VAC14: variants seen among roughly 807,000 people sequenced by gnomAD.
VAC14 encodes protein VAC14 homolog.
A neutral mutation model predicts 85.3 loss-of-function variants in VAC14; 47 were observed. That is an observed-to-expected ratio of 0.55 (90% CI 0.44 to 0.70). The LOEUF (loss-of-function observed/expected upper bound fraction) is 0.70. VAC14 is among the 30% of genes least tolerant of loss of function. The pLI, the probability that VAC14 is intolerant of heterozygous loss-of-function variation, is 0.00. For missense variants in VAC14, 861 were observed against 1,004.3 expected, an observed-to-expected ratio of 0.86 and a Z score of 1.93; for synonymous variants, 447 against 430.5, an observed-to-expected ratio of 1.04 and a Z score of -0.47.
chr16:70,781,707 T>C (rs2033819812), intron 8 of VAC14, among the ~76,000 whole-genome samples, 162 bp downstream of exon 8: 1 of 152,134 alleles, frequency 6.6e-6, no homozygotes, highest in African/African-American at 2.4e-5. Flanking sequence ...GGTCCCTGGC[T>C]TTCCTAATCC....
Position 70,762,406 on chromosome 16 carries a change from C to A in VAC14, c.1371+134G>T. The A allele has an allele frequency of 1.1e-6, 1 of 937,246 alleles. No homozygotes were observed. The highest frequency in any genetic ancestry group is 1.7e-6 in the Non-Finnish European group (1 of 603,060). 58.1% of individuals were successfully genotyped at this position (937,246 alleles called of 1,614,324 possible). On this transcript the variant is annotated intron_variant, in intron 12 of 18. Coordinates refer to ENST00000261776, the MANE Select transcript of VAC14 (RefSeq NM_018052.5). This position sits in a 1 kb window ranked among gnomAD's most constrained non-coding sequence, Gnocchi z 4.1. ...AACAGGTGTGAGCCACTGCACCTGG[C>A]CCCAAAGTGAGTATTAAACACAGCT... is the stretch of plus-strand genomic sequence containing the variant.
At chr16:70,786,070 CCTTGCTGGTCTCAGGTGCGGACAGAGT>C in intron 2 of VAC14, 118 bp downstream of exon 2, 1 of 1,433,110 alleles carries the variant, frequency 7.0e-7, no homozygotes, top group African/African-American at 1.4e-5. Context: ...GCAAAGCCAG[CCTTGCTGGTCTCAGGTGCGGACAGAGT>C]GGTAATAAAA....
chr16:70,766,412 G>A (rs1400850967), intron 10 of VAC14: 3 of 449,696 alleles, frequency 6.7e-6, no homozygotes, highest in Non-Finnish European at 1.3e-5. Context: ...GCAGCATTTC[G>A]TGTATTAACA....
chr16:70,688,698 T>C (rs2053544310), intron 18 of VAC14: 1 of 985,512 alleles, frequency 1.0e-6, no homozygotes. Flanking sequence ...CCCTCTCCAG[T>C]TGCTCTGTAC....
intron 13 of VAC14, among the ~76,000 whole-genome samples, chr16:70,736,892 G>T (rs374593408): frequency 6.9e-6 from 1 of 144,768 alleles, no homozygotes; most frequent in Non-Finnish European, 1.5e-5. Context: ...GGCCACACTT[G>T]AAGGGGCAGG....
chr16:70,756,372 A>C (rs996040768), intron 12 of VAC14, among the ~76,000 whole-genome samples: 1 of 152,102 alleles, frequency 6.6e-6, no homozygotes. Context: ...CTCCTTTCAG[A>C]TCTCTGAACC....
Position 70,800,972 on chromosome 16 carries a change from T to C in VAC14, c.-72A>G. On this transcript the variant is annotated 5_prime_UTR_variant, in exon 1 of 19. Coordinates refer to ENST00000261776, the MANE Select transcript of VAC14 (RefSeq NM_018052.5). ...GGGCCGCGCCGGGGCCAGGGGAGTCTGCGGCTCCGCTCTGCCCCCGGCGCC... is the reference window on the plus strand; with the variant it reads ...GGGCCGCGCCGGGGCCAGGGGAGTCCGCGGCTCCGCTCTGCCCCCGGCGCC... 8.7e-7 allele frequency: 1 copy of C among 1,153,018 alleles called. No homozygotes were observed. The highest frequency in any genetic ancestry group is 1.2e-6 in the Non-Finnish European group (1 of 843,250). The allele number at this position is 1,153,018 out of a possible 1,614,324, so 71.4% of individuals were successfully genotyped here. A position where few individuals can be genotyped will look rare whatever the true frequency, so the allele number is the denominator to read the frequency against.
chr16:70,741,413 C>T (rs532243288), intron 13 of VAC14, among the ~76,000 whole-genome samples: 198 of 152,382 alleles, frequency 1.3e-3, no homozygotes, highest in African/African-American at 4.6e-3. Context: ...AAGCAGGGCA[C>T]ACTCTGGCTC....
At chr16:70,738,505 G>C (rs1012508099) in intron 13 of VAC14, among the ~76,000 whole-genome samples, 3 of 152,166 alleles carry the variant, frequency 2.0e-5, no homozygotes, top group Non-Finnish European at 4.4e-5. Flanking sequence ...GTCTGCCACC[G>C]GGAAAGAGCT....
intron 18 of VAC14, chr16:70,691,898 C>T (rs1401235347): frequency 2.0e-6 from 2 of 985,134 alleles, no homozygotes; most frequent in East Asian, 2.3e-4. Flanking sequence ...AGGCGAGCAC[C>T]CGAGGCCCTT....
At chr16:70,731,271 T>G in intron 14 of VAC14, 1 of 1,304,982 alleles carries the variant, frequency 7.7e-7, no homozygotes, top group Non-Finnish European at 9.7e-7. Context: ...AAAAATGAAT[T>G]CAGTTGTGCG....
intron 18 of VAC14, chr16:70,688,719 G>C (rs2053544726): frequency 1.0e-6 from 1 of 985,568 alleles, no homozygotes; most frequent in Non-Finnish European, 1.2e-6. Context: ...AGCAACACAG[G>C]TTGTGCACTG....
At chr16:70,791,984 C>T (rs1161037834) in intron 1 of VAC14, among the ~76,000 whole-genome samples, 1 of 152,160 alleles carries the variant, frequency 6.6e-6, no homozygotes, top group Non-Finnish European at 1.5e-5. Flanking sequence ...GAGCAAAGGG[C>T]ACCATTACTA....
chr16:70,710,833 A>T (rs570108488), intron 14 of VAC14, among the ~76,000 whole-genome samples: 8 of 152,366 alleles, frequency 5.3e-5, no homozygotes, highest in African/African-American at 1.9e-4. Context: ...CAAATTATTT[A>T]ACCAGATGGG....
At chr16:70,695,218 C>G in intron 17 of VAC14, among the ~76,000 whole-genome samples, 1 of 151,682 alleles carries the variant, frequency 6.6e-6, no homozygotes, top group East Asian at 1.9e-4. Context: ...CTCAAGTGAT[C>G]CTCCTACCTC....
intron 1 of VAC14, among the ~76,000 whole-genome samples, chr16:70,792,209 G>A (rs753231102): frequency 2.0e-5 from 3 of 152,104 alleles, no homozygotes; most frequent in African/African-American, 4.8e-5. Context: ...ACTACAAGGG[G>A]AAGCAGAGTA....
intron 9 of VAC14, among the ~76,000 whole-genome samples, chr16:70,780,191 A>G (rs1185697658): frequency 6.6e-6 from 1 of 152,102 alleles, no homozygotes. Context: ...ACAGCTAAAC[A>G]AGAAAATTAT....
At chr16:70,763,661 C>T (rs538690951) in intron 10 of VAC14, among the ~76,000 whole-genome samples, 1 of 152,342 alleles carries the variant, frequency 6.6e-6, no homozygotes, top group Non-Finnish European at 1.5e-5. Context: ...CCAAAATGCG[C>T]TCCTTTGAGT....
chr16:70,755,959 C>G, intron 12 of VAC14: 1 of 455,316 alleles, frequency 2.2e-6, no homozygotes, highest in Non-Finnish European at 4.4e-6. Flanking sequence ...GGGCTTCCCC[C>G]AGGTGGGACC....
Sources: allele counts gnomAD v4.1 joint callset (sites outside exome capture counted in the v4.1 genomes callset), GRCh38; gene constraint gnomAD v4.1.1; non-coding constraint Gnocchi (gnomAD v3.1); transcripts MANE v1.5; gene names NCBI Gene and HGNC (gene_info 2026-07-23, HGNC 2026-07-21).